Variants in FCER2 observed in about 807,000 individuals in gnomAD.
FCER2 encodes the protein low affinity immunoglobulin epsilon Fc receptor.
In FCER2, 38 loss-of-function variants were observed where a neutral mutation model predicts 49.7. That is an observed-to-expected ratio of 0.76 (90% confidence interval 0.59 to 1.00). FCER2 has a LOEUF of 1.00. Ranked by LOEUF, FCER2 falls within the 50% of genes least tolerant of loss-of-function variation. FCER2 has a pLI of 0.00. For missense variants in FCER2, 425 were observed against 419.5 expected (o/e 1.01, Z -0.11); for synonymous variants, 163 against 164.6 (o/e 0.99, Z 0.07).
chr19:7,699,353 A>G, intron 2 of FCER2: 1 of 1,296,600 alleles, frequency 7.7e-7, no homozygotes, highest in South Asian at 1.2e-5. Flanking sequence ...GTCCCACCTC[A>G]AGCCCCTGGC....
chr19:7,698,368 C>A lies in FCER2; in HGVS notation c.178G>T (p.Ala60Ser). The change falls in exon 4 of 11, where the codon GCT becomes TCT. Residue 60 changes from alanine (A) to serine (S), a missense_variant. Ala to Ser is a moderately conservative substitution (Grantham distance 99). Coordinates refer to ENST00000597921, the MANE Select transcript of FCER2 (RefSeq NM_001220500.2). ...GACCCCTTCATACCGTTCCGGGCAGCCCTCTCTTCCAGCTGTTTTAGACTC... is the reference window on the plus strand; with the variant it reads ...GACCCCTTCATACCGTTCCGGGCAGACCTCTCTTCCAGCTGTTTTAGACTC... ...TQSLKQLEER[A>S]ARNVSQVSKN... 1.2e-6 allele frequency: 2 copies of A among 1,612,238 alleles called. No homozygotes were observed. Among genetic ancestry groups the A allele is most frequent in the Non-Finnish European group, 1.7e-6 (2 of 1,178,804 alleles).
chr19:7,689,360 GACCGGAGCCCCGCATCATCACGCAGT>G lies in FCER2; in HGVS notation c.773_798del (p.Asp258AlafsTer10). ...CGGTCGCAGAAGGCGTCGTTCCAGCGACCGGAGCCCCGCATCATCACGCAGTCCTCGCCCTGGCTCCGGCTGGTGGG... is the reference window on the plus strand; with the variant it reads ...CGGTCGCAGAAGGCGTCGTTCCAGCGCCTCGCCCTGGCTCCGGCTGGTGGG... On this transcript the variant is annotated frameshift_variant, in exon 11 of 11. Transcript: ENST00000597921. LOFTEE classifies it high-confidence loss of function. 1 of 1,610,444 alleles carries G rather than the reference GACCGGAGCCCCGCATCATCACGCAGT, an allele frequency of 6.2e-7. No homozygotes were observed. The highest frequency in any genetic ancestry group is 8.5e-7 in the Non-Finnish European group (1 of 1,178,898).
At chr19:7,696,499 G>T (rs2033015020) in intron 8 of FCER2, among the ~76,000 whole-genome samples, 1 of 152,120 alleles carries the variant, frequency 6.6e-6, no homozygotes, top group Admixed American at 6.5e-5. Context: ...GCCTCTCAAA[G>T]TGCTGGGATT....
chr19:7,700,893 C>A (rs565689835), intron 1 of FCER2, among the ~76,000 whole-genome samples: 3 of 152,200 alleles, frequency 2.0e-5, no homozygotes, highest in African/African-American at 4.8e-5. Flanking sequence ...TCACTGCAAC[C>A]TCCACCTCCC....
chr19:7,700,540 A>G (rs1454239999), intron 1 of FCER2, among the ~76,000 whole-genome samples: 1 of 151,902 alleles, frequency 6.6e-6, no homozygotes, highest in Admixed American at 6.6e-5. Context: ...ATTGAAATGG[A>G]GTCTCGCTCT....
Position 7,689,625 on chromosome 19 carries a change from A to G in FCER2, c.729-195T>C, listed in dbSNP as rs556971503. On this transcript the variant is annotated intron_variant, in intron 10 of 10. Transcript: ENST00000597921. ...CCCTTATTTATTTGTTTGTTTGTTTATTTATTTATTTTGTTGAGACAGAAT... is the reference window on the plus strand; with the variant it reads ...CCCTTATTTATTTGTTTGTTTGTTTGTTTATTTATTTTGTTGAGACAGAAT... Among the ~76,000 whole-genome samples, 11 of 151,412 alleles carry G rather than the reference A, an allele frequency of 7.3e-5. No individual in the cohort carries two copies. In the East Asian group the frequency reaches 9.8e-4, roughly 13 times the overall value.
At chr19:7,693,352 T>A (rs763426437) in intron 8 of FCER2, among the ~76,000 whole-genome samples, 1 of 152,126 alleles carries the variant, frequency 6.6e-6, no homozygotes, top group Non-Finnish European at 1.5e-5. Flanking sequence ...CAATATGGTC[T>A]CTTTCTCCCC....
rs375056982 is a variant in FCER2, at chr19:7,692,017, C to T, written c.470-1460G>A. 2.9e-4 allele frequency among the ~76,000 whole-genome samples: 20 copies of T among 68,996 alleles called. 3 individuals are homozygous for T. The highest frequency in any genetic ancestry group is 4.6e-4 in the African/African-American group (5 of 10,800). 45.3% of individuals were successfully genotyped at this position (68,996 alleles called of 152,430 possible). On this transcript the variant is annotated intron_variant, in intron 8 of 10. Transcript: ENST00000597921. ...ACATCAACCACCAACACCATCAGCA[C>T]GAATACATTCACGTCCAACAACACA...
intron 8 of FCER2, 82 bp downstream of exon 8, chr19:7,696,743 C>T (rs1415072096): frequency 1.9e-5 from 19 of 983,606 alleles, no homozygotes; most frequent in South Asian, 2.8e-5. Flanking sequence ...TCACGTCACA[C>T]GTGCGTGCCG....
chr19:7,691,036 C>T (rs575718556), intron 8 of FCER2, among the ~76,000 whole-genome samples: 46 of 78,582 alleles, frequency 5.9e-4, no homozygotes, highest in African/African-American at 1.4e-3. Flanking sequence ...CGTCCAACAA[C>T]GCTTCAACCA....
chr19:7,698,374 C>T lies in FCER2; in HGVS notation c.172G>A (p.Glu58Lys), dbSNP rs901899946. 1.9e-6 allele frequency: 3 copies of T among 1,612,656 alleles called. No homozygotes were observed. Among genetic ancestry groups the T allele is most frequent in the East Asian group, 2.2e-5 (1 of 44,862 alleles). Residue 58 changes from glutamate to lysine, a missense_variant, in exon 4 of 11, where the codon GAG becomes AAG. By Grantham distance (56) the Glu-to-Lys change is moderately conservative. Coordinates refer to ENST00000597921, the MANE Select transcript of FCER2 (RefSeq NM_001220500.2). ...DTTQSLKQLE[E>K]RAARNVSQVS... The stretch of plus-strand genomic sequence containing the variant: ...TTCATACCGTTCCGGGCAGCCCTCT[C>T]TTCCAGCTGTTTTAGACTCTGTGTG...
At chr19:7,696,224 C>T (rs1045607482) in intron 8 of FCER2, among the ~76,000 whole-genome samples, 2 of 152,052 alleles carry the variant, frequency 1.3e-5, no homozygotes, top group Non-Finnish European at 2.9e-5. Flanking sequence ...CTCAGCCTCC[C>T]GAGTAGCTGG....
chr19:7,695,920 CTTTTT>C (rs60387474), intron 8 of FCER2, among the ~76,000 whole-genome samples: 3 of 80,676 alleles, frequency 3.7e-5, no homozygotes, highest in East Asian at 3.8e-4. Context: ...CCATCTCTCT[CTTTTT>C]TTTTTTTTTT....
At chr19:7,694,794 C>A (rs946874477) in intron 8 of FCER2, among the ~76,000 whole-genome samples, 8 of 151,904 alleles carry the variant, frequency 5.3e-5, no homozygotes, top group African/African-American at 1.7e-4. Flanking sequence ...CATTAGCTGG[C>A]GGAACGGCAG....
Position 7,689,251 on chromosome 19 carries a change from T to A in FCER2, c.908A>T (p.Asp303Val), listed in dbSNP as rs746640035. The change falls in exon 11 of 11, where the codon GAT becomes GTT. Residue 303 changes from aspartate (D) to valine (V), a missense_variant. Physicochemically the swap from Asp to Val is radical, Grantham distance 152 (BLOSUM62 -3). Coordinates refer to ENST00000597921, the MANE Select transcript of FCER2 (RefSeq NM_001220500.2). The part of the protein sequence containing the change: ...SEGSAESMGP[D>V]SRPDPDGRLP... ...GCGGCCGTCAGGGTCTGGTCTTGAA[T>A]CAGGTCCCATGGACTCCGCGGAACC... is the stretch of plus-strand genomic sequence containing the variant. The A allele has an allele frequency of 1.5e-5, 25 of 1,613,680 alleles. No homozygotes were observed. The highest frequency in any genetic ancestry group is 8.3e-5 in the Admixed American group (5 of 59,986).
intron 8 of FCER2, 66 bp from the exon 9 acceptor site, chr19:7,690,623 G>A: frequency 6.5e-7 from 1 of 1,546,822 alleles, no homozygotes; most frequent in South Asian, 1.2e-5. Context: ...GGGCAGACTA[G>A]GTGGCAGCAC....
chr19:7,697,018 G>A lies in FCER2; in HGVS notation c.374C>T (p.Ser125Phe), dbSNP rs369524074. 1.3e-6 allele frequency: 2 copies of A among 1,596,994 alleles called. No homozygotes were observed. Among genetic ancestry groups the A allele is most frequent in the African/African-American group, 2.7e-5 (2 of 74,496 alleles). The stretch of plus-strand genomic sequence containing the variant: ...CATCCCCTCCCAAGCCTCACCCTGG[G>A]ACTTGAAGCTGCTCAGATCTGCTTG... ...GLQADLSSFK[S>F]QELNERNEAS... is the part of the protein sequence containing the mutation. The change falls in exon 7 of 11, where the codon TCC becomes TTC. Residue 125 changes from serine to phenylalanine, a missense_variant. Coordinates refer to ENST00000597921, the MANE Select transcript of FCER2 (RefSeq NM_001220500.2).
chr19:7,693,577 C>A (rs1202075033), intron 8 of FCER2, among the ~76,000 whole-genome samples: 1 of 151,978 alleles, frequency 6.6e-6, no homozygotes, highest in Non-Finnish European at 1.5e-5. Flanking sequence ...CAAAAACCCG[C>A]TTTAAGTAAG....
chr19:7,694,705 C>T (rs2032968576), intron 8 of FCER2, among the ~76,000 whole-genome samples: 1 of 152,200 alleles, frequency 6.6e-6, no homozygotes. Context: ...ACACCAAGCA[C>T]AGAAACTTCC....
Sources: allele counts gnomAD v4.1 joint callset (sites outside exome capture counted in the v4.1 genomes callset), GRCh38; gene constraint gnomAD v4.1.1; transcripts MANE v1.5; gene names NCBI Gene and HGNC (gene_info 2026-07-23, HGNC 2026-07-21).